Variants in TAF1B observed in about 807,000 individuals in gnomAD.
TAF1B encodes TATA box-binding protein-associated factor RNA polymerase I subunit B.
Under a neutral mutation model 83.9 loss-of-function variants are expected in TAF1B, and 61 were observed. The observed-to-expected ratio is 0.73, with a 90% confidence interval of 0.59 to 0.90. The LOEUF (loss-of-function observed/expected upper bound fraction) is 0.90. Among genes scored for constraint, TAF1B ranks in the 40% least tolerant of loss-of-function variants. TAF1B has a pLI of 0.00. For missense variants in TAF1B, 625 were observed against 677.0 expected, an observed-to-expected ratio of 0.92 and a Z score of 0.85; for synonymous variants, 221 against 224.6, an observed-to-expected ratio of 0.98 and a Z score of 0.14.
At chr2:9,929,926 G>A (rs1666161714) in intron 14 of TAF1B, among the ~76,000 whole-genome samples, 1 of 152,148 alleles carries the variant, frequency 6.6e-6, no homozygotes, top group African/African-American at 2.4e-5. Flanking sequence ...AGGTGTACAT[G>A]TCCAGGAATT....
At chr2:9,845,972 G>C (rs1663194761) in intron 2 of TAF1B, 1 of 435,456 alleles carries the variant, frequency 2.3e-6, no homozygotes, top group South Asian at 1.8e-5. Flanking sequence ...AGCAGAGCAA[G>C]ACTCTGTCTA....
intron 5 of TAF1B, among the ~76,000 whole-genome samples, chr2:9,856,020 CA>C (rs911444534): frequency 6.6e-6 from 1 of 152,144 alleles, no homozygotes; most frequent in Non-Finnish European, 1.5e-5. Flanking sequence ...GTTTGATACA[CA>C]TTTGTTAAGG....
chr2:9,846,494 G>A (rs1452096413), intron 2 of TAF1B, among the ~76,000 whole-genome samples: 1 of 152,212 alleles, frequency 6.6e-6, no homozygotes, highest in Non-Finnish European at 1.5e-5. Context: ...GCAAATTTGG[G>A]ACATTAAAAG....
intron 8 of TAF1B, among the ~76,000 whole-genome samples, chr2:9,904,416 G>A (rs116413277): frequency 6.6e-6 from 1 of 152,150 alleles, no homozygotes; most frequent in African/African-American, 2.4e-5. Context: ...CTCCATCCCT[G>A]TCACTGCAAA....
At chr2:9,913,288 T>A in intron 12 of TAF1B, 39 bp downstream of exon 12, 13 of 1,486,544 alleles carry the variant, frequency 8.7e-6, no homozygotes, top group Non-Finnish European at 1.2e-5. Context: ...CCTGCCTTAC[T>A]TCTGTGTCTG....
chr2:9,843,661 C>A, intron 1 of TAF1B, 102 bp downstream of exon 1: 1 of 1,305,308 alleles, frequency 7.7e-7, no homozygotes, highest in Non-Finnish European at 1.0e-6. Flanking sequence ...GCGGCGACGC[C>A]ACCGGCTGGA....
intron 7 of TAF1B, among the ~76,000 whole-genome samples, chr2:9,876,520 T>C (rs2125151495): frequency 6.6e-6 from 1 of 152,360 alleles, no homozygotes; most frequent in South Asian, 2.1e-4. Flanking sequence ...CAGGATAATC[T>C]ACAGAGTGTT....
chr2:9,859,889 A>T (rs996170003), intron 5 of TAF1B, among the ~76,000 whole-genome samples: 2 of 152,072 alleles, frequency 1.3e-5, no homozygotes, highest in Non-Finnish European at 2.9e-5. Context: ...TTGTTTCCAC[A>T]CTACTATGAA....
At chr2:9,885,894 C>T (rs554241757) in intron 8 of TAF1B, among the ~76,000 whole-genome samples, 2 of 152,146 alleles carry the variant, frequency 1.3e-5, no homozygotes, top group African/African-American at 2.4e-5. Context: ...AATTCACTAA[C>T]CAAATTATAA....
chr2:9,921,758 AT>A (rs1665886655), intron 14 of TAF1B, among the ~76,000 whole-genome samples: 1 of 152,188 alleles, frequency 6.6e-6, no homozygotes, highest in South Asian at 2.1e-4. Flanking sequence ...TATGATTGAA[AT>A]TTTTTATAAT....
intron 6 of TAF1B, among the ~76,000 whole-genome samples, chr2:9,869,156 C>G (rs1028882445): frequency 1.3e-5 from 2 of 152,090 alleles, no homozygotes; most frequent in African/African-American, 4.8e-5. Context: ...GATATTAGCT[C>G]CTTTTAAAGC....
In TAF1B at chr2:9,922,770, G is replaced by T. The variant is rs10929620; in HGVS notation, c.1565+2950G>T. 5.3e-5 allele frequency among the ~76,000 whole-genome samples: 8 copies of T among 151,994 alleles called. No individual in the cohort carries two copies. In the East Asian group the frequency reaches 1.4e-3, roughly 26 times the overall value. Reference sequence around the variant, plus strand: ...TGAAAAATCCCAGCGGCTAGACCAGGGCCTAGCACAGACTAGGTGCCCACC... The same window carrying T: ...TGAAAAATCCCAGCGGCTAGACCAGTGCCTAGCACAGACTAGGTGCCCACC... On this transcript the variant is annotated intron_variant, in intron 14 of 14. Coordinates refer to ENST00000263663, the MANE Select transcript of TAF1B (RefSeq NM_005680.3).
At chr2:9,850,696 G>A (rs1298435133) in intron 3 of TAF1B, among the ~76,000 whole-genome samples, 1 of 152,158 alleles carries the variant, frequency 6.6e-6, no homozygotes, top group Non-Finnish European at 1.5e-5. Context: ...TTTTGGAAGA[G>A]TTACAGTATT....
intron 4 of TAF1B, 58 bp downstream of exon 4, chr2:9,851,696 G>A (rs1381558673): frequency 2.2e-6 from 3 of 1,349,442 alleles, no homozygotes; most frequent in South Asian, 2.5e-5. Flanking sequence ...AGAACAGTAA[G>A]ACTTATAGTG....
Position 9,900,942 on chromosome 2 carries a change from T to A in TAF1B, c.808-3917T>A, listed in dbSNP as rs1665162208. Among the ~76,000 whole-genome samples, 4 of 152,314 alleles carry A rather than the reference T, an allele frequency of 2.6e-5. No individual in the cohort carries two copies. In the South Asian group the frequency reaches 8.3e-4, roughly 32 times the overall value. ...TAAATATGGATGTGCCCAAATGAGC[T>A]GAGAGAAAAGTCCACCCAGATCCTA... On this transcript the variant is annotated intron_variant, in intron 8 of 14. Coordinates refer to ENST00000263663, the MANE Select transcript of TAF1B (RefSeq NM_005680.3).
At chr2:9,876,107 A>G in intron 7 of TAF1B, 89 bp downstream of exon 7, 1 of 1,365,298 alleles carries the variant, frequency 7.3e-7, no homozygotes, top group Non-Finnish European at 9.9e-7. Flanking sequence ...TTTTATAAGA[A>G]GGCTTAACTT....
chr2:9,912,931 C>A (rs1211136686), intron 11 of TAF1B, among the ~76,000 whole-genome samples: 6 of 152,198 alleles, frequency 3.9e-5, no homozygotes, highest in Non-Finnish European at 8.8e-5. Context: ...AAAGAGACTG[C>A]CTTCGCCAGA....
At chr2:9,843,957 C>T (rs992906199) in intron 1 of TAF1B, among the ~76,000 whole-genome samples, 15 of 151,930 alleles carry the variant, frequency 9.9e-5, no homozygotes, top group African/African-American at 3.4e-4. Context: ...CGCCGGGTAA[C>T]CCCTGTCGGT....
intron 12 of TAF1B, among the ~76,000 whole-genome samples, chr2:9,918,635 T>C (rs1384901321): frequency 2.6e-5 from 4 of 152,354 alleles, no homozygotes; most frequent in Non-Finnish European, 5.9e-5. Context: ...GTGTGTAAGT[T>C]ATCAGAATCA....
Sources: allele counts gnomAD v4.1 joint callset (sites outside exome capture counted in the v4.1 genomes callset), GRCh38; gene constraint gnomAD v4.1.1; transcripts MANE v1.5; gene names NCBI Gene and HGNC (gene_info 2026-07-23, HGNC 2026-07-21).